The following GALNT7 variants were observed in gnomAD, a reference collection of about 807,000 sequenced individuals.
The protein encoded by GALNT7 is N-acetylgalactosaminyltransferase 7.
GALNT7 carries 60 observed loss-of-function variants against 82.1 expected under a neutral mutation model. That is an observed-to-expected ratio of 0.73 (90% CI 0.59 to 0.91). GALNT7 has a LOEUF of 0.91. GALNT7 is among the 40% of genes least tolerant of loss of function. The pLI is 0.00. For synonymous variants in GALNT7, 243 were observed against 275.1 expected, an observed-to-expected ratio of 0.88 and a Z score of 1.15; for missense variants, 660 against 804.2, an observed-to-expected ratio of 0.82 and a Z score of 2.17.
At position 173,298,265 on chromosome 4, in the gene GALNT7, G is replaced by A. The variant is rs761575040; in HGVS notation, c.1116G>A (p.Lys372=). Residue 372 remains lysine (K), a synonymous_variant, in exon 6 of 12, where the codon AAG becomes AAA. Transcript: ENST00000265000. ...WKRVPLTPQE[K]RLRKTKTEPY... is the part of the protein sequence containing the mutation. ...GGGTGCCTCTGACCCCTCAAGAGAA[G>A]AGACTGAGAAAGACAAAAACTGAAC... 2 of 1,588,222 alleles carry A rather than the reference G, an allele frequency of 1.3e-6. No homozygotes were observed. Among genetic ancestry groups the A allele is most frequent in the African/African-American group, 2.7e-5 (2 of 73,308 alleles).
chr4:173,242,466 C>A lies in GALNT7; in HGVS notation c.127-5514C>A, dbSNP rs193031828. 7.2e-5 allele frequency among the ~76,000 whole-genome samples: 11 copies of A among 152,272 alleles called. No individual in the cohort carries two copies. In the East Asian group the frequency reaches 1.9e-3, roughly 27 times the overall value. ...AAATATACTTGGAAATGGGTCCTTT[C>A]CTGTATGGATGACATTCTAGATATT... On this transcript the variant is annotated intron_variant, in intron 1 of 11. Coordinates refer to ENST00000265000, the MANE Select transcript of GALNT7 (RefSeq NM_017423.3).
chr4:173,172,621 G>A (rs1027079594), intron 1 of GALNT7, among the ~76,000 whole-genome samples: 2 of 152,164 alleles, frequency 1.3e-5, no homozygotes, highest in African/African-American at 4.8e-5. Flanking sequence ...TTCCTGCCCT[G>A]CTCATGTCTG....
At chr4:173,178,211 T>C (rs887238199) in intron 1 of GALNT7, among the ~76,000 whole-genome samples, 1 of 152,160 alleles carries the variant, frequency 6.6e-6, no homozygotes, top group Non-Finnish European at 1.5e-5. Context: ...ACCAATTTAA[T>C]ATTTAAAGTT....
At chr4:173,240,106 C>G (rs938367578) in intron 1 of GALNT7, among the ~76,000 whole-genome samples, 1 of 152,104 alleles carries the variant, frequency 6.6e-6, no homozygotes, top group African/African-American at 2.4e-5. Flanking sequence ...CCTCTTATCT[C>G]TGAAACACTT....
intron 2 of GALNT7, among the ~76,000 whole-genome samples, chr4:173,278,460 C>A (rs1021739839): frequency 1.3e-5 from 2 of 152,096 alleles, no homozygotes; most frequent in African/African-American, 4.8e-5. Context: ...CATATTAGTC[C>A]AATTTTCAAC....
chr4:173,210,994 C>T (rs1157576832), intron 1 of GALNT7, among the ~76,000 whole-genome samples: 1 of 151,846 alleles, frequency 6.6e-6, no homozygotes, highest in Non-Finnish European at 1.5e-5. Flanking sequence ...AATGTATCAG[C>T]GTGTAATCAA....
At chr4:173,240,399 C>T (rs1228771345) in intron 1 of GALNT7, among the ~76,000 whole-genome samples, 7 of 103,954 alleles carry the variant, frequency 6.7e-5, no homozygotes, top group African/African-American at 1.9e-4. Flanking sequence ...GACAGAGCTT[C>T]GCTTTTGTGC....
intron 2 of GALNT7, among the ~76,000 whole-genome samples, chr4:173,275,302 C>T (rs1042304912): frequency 2.6e-5 from 4 of 152,294 alleles, no homozygotes; most frequent in African/African-American, 7.2e-5. Flanking sequence ...TGGCTTCCTT[C>T]GTGAATTCTA....
chr4:173,317,359 G>A, intron 9 of GALNT7: 1 of 259,566 alleles, frequency 3.9e-6, no homozygotes, highest in Non-Finnish European at 7.5e-6. Flanking sequence ...TTCTGAAATT[G>A]CAATTAATGG....
chr4:173,322,897 A>G lies in GALNT7; in HGVS notation c.*1180A>G, dbSNP rs113852863. On this transcript the variant is annotated 3_prime_UTR_variant, in exon 12 of 12. Transcript: ENST00000265000. ...ATTTAAAAATACAGTTTATTAACAA[A>G]CGTGAACTACTTTCTGTTACATTAG... 85 of 152,310 alleles carry G rather than the reference A, an allele frequency of 5.6e-4. No homozygotes were observed. The highest frequency in any genetic ancestry group is 1.8e-3 in the African/African-American group (73 of 41,582). 9.4% of individuals were successfully genotyped at this position (152,310 alleles called of 1,614,324 possible). A position where few individuals can be genotyped will look rare whatever the true frequency, so the allele number is the denominator to read the frequency against.
intron 1 of GALNT7, among the ~76,000 whole-genome samples, chr4:173,206,015 C>T (rs1024850062): frequency 1.3e-5 from 2 of 152,024 alleles, no homozygotes; most frequent in African/African-American, 4.8e-5. Context: ...CAGATAGTTA[C>T]CATCCTGGAA....
At chr4:173,178,052 T>TGTGTGTGTGTGCGCGCGCGCGC (rs563102408) in intron 1 of GALNT7, among the ~76,000 whole-genome samples, 54 of 129,514 alleles carry the variant, frequency 4.2e-4, no homozygotes, top group African/African-American at 1.5e-3. Flanking sequence ...TGTGTGTGTG[T>TGTGTGTGTGTGCGCGCGCGCGC]GCGCGCACGC....
intron 1 of GALNT7, among the ~76,000 whole-genome samples, chr4:173,223,920 A>G (rs150338967): frequency 3.2e-4 from 49 of 152,232 alleles, no homozygotes; most frequent in African/African-American, 9.4e-4. Flanking sequence ...TTCATATTGC[A>G]TTACATCAGG....
chr4:173,323,644 T>C lies in GALNT7; in HGVS notation c.*1927T>C, dbSNP rs981676031. 2.0e-5 allele frequency: 3 copies of C among 152,556 alleles called. No individual in the cohort carries two copies. Among genetic ancestry groups the C allele is most frequent in the African/African-American group, 7.2e-5 (3 of 41,444 alleles). The allele number at this position is 152,556 out of a possible 1,614,324, so 9.5% of individuals were successfully genotyped here. A position where few individuals can be genotyped will look rare whatever the true frequency, so the allele number is the denominator to read the frequency against. ...TGTGCAATTCGTTAAAAGAAGATACTCTATGAATATGATTCTATATATTGA... is the reference window on the plus strand; with the variant it reads ...TGTGCAATTCGTTAAAAGAAGATACCCTATGAATATGATTCTATATATTGA... On this transcript the variant is annotated 3_prime_UTR_variant, in exon 12 of 12. Transcript: ENST00000265000.
chr4:173,248,478 C>A, intron 2 of GALNT7, 38 bp downstream of exon 2: 1 of 1,286,940 alleles, frequency 7.8e-7, no homozygotes, highest in Non-Finnish European at 1.1e-6. Flanking sequence ...AATGGGGCAA[C>A]TGTTGTTTTC....
chr4:173,239,953 G>A (rs536806119), intron 1 of GALNT7, among the ~76,000 whole-genome samples: 129 of 152,006 alleles, frequency 8.5e-4, no homozygotes, highest in African/African-American at 2.8e-3. Flanking sequence ...TAAATATAAC[G>A]GATTTGTTAC....
chr4:173,238,979 T>C (rs998133150), intron 1 of GALNT7, among the ~76,000 whole-genome samples: 7 of 152,244 alleles, frequency 4.6e-5, no homozygotes, highest in Admixed American at 3.9e-4. Context: ...TTTAATTACT[T>C]GCTTGTTTTT....
rs185122172 is a variant in GALNT7, at chr4:173,179,234, T to C, written c.126+10273T>C. On this transcript the variant is annotated intron_variant, in intron 1 of 11. Transcript: ENST00000265000. Reference sequence around the variant, plus strand: ...TCTTAAATAGGCAGTAACTGAGAAATTGCCAAAACTTTTTTGGAGCGAGTT... The same window carrying C: ...TCTTAAATAGGCAGTAACTGAGAAACTGCCAAAACTTTTTTGGAGCGAGTT... Among the ~76,000 whole-genome samples, 42 of 152,344 alleles carry C rather than the reference T, an allele frequency of 2.8e-4. 1 individual carries two copies. The East Asian group carries it at 5.2e-3, about 19-fold the overall frequency.
At chr4:173,258,526 G>A (rs867426791) in intron 2 of GALNT7, among the ~76,000 whole-genome samples, 22 of 152,194 alleles carry the variant, frequency 1.4e-4, no homozygotes, top group African/African-American at 5.3e-4. Flanking sequence ...ATGGAGATGG[G>A]GGGGCCTCAG....
Sources: allele counts gnomAD v4.1 joint callset (sites outside exome capture counted in the v4.1 genomes callset), GRCh38; gene constraint gnomAD v4.1.1; transcripts MANE v1.5; gene names NCBI Gene and HGNC (gene_info 2026-07-23, HGNC 2026-07-21).